The following SIGLEC1 variants were observed in gnomAD, a reference collection of about 807,000 sequenced individuals.
SIGLEC1 encodes the protein sialic acid binding Ig like lectin 1, also known as sialoadhesin.
In SIGLEC1, 132 loss-of-function variants were observed where a neutral mutation model predicts 148.0. The observed-to-expected ratio is 0.89, with a 90% CI of 0.77 to 1.03. The LOEUF (loss-of-function observed/expected upper bound fraction) is 1.03, where lower values mean the gene tolerates loss of function less well. Ranked by LOEUF, SIGLEC1 falls within the 50% of genes least tolerant of loss-of-function variation. SIGLEC1 has a pLI of 0.00. For missense variants in SIGLEC1, 2,253 were observed against 2,271.4 expected (o/e 0.99, Z 0.16); for synonymous variants, 945 against 969.0 (o/e 0.98, Z 0.46).
At chr20:3,706,314 C>T in intron 3 of SIGLEC1, 33 bp downstream of exon 3, 1 of 1,580,696 alleles carries the variant, frequency 6.3e-7, no homozygotes, top group Non-Finnish European at 8.6e-7. Context: ...GGGAATCCCT[C>T]CCGGGGGGCA....
At chr20:3,702,009 C>T (rs975830204) in intron 6 of SIGLEC1, among the ~76,000 whole-genome samples, 3 of 152,108 alleles carry the variant, frequency 2.0e-5, no homozygotes, top group Non-Finnish European at 4.4e-5. Context: ...GCAGCATGTC[C>T]GCGGCCTTCC....
intron 7 of SIGLEC1, 78 bp from the exon 8 acceptor site, chr20:3,699,537 G>T (rs1423436221): frequency 6.6e-7 from 1 of 1,526,406 alleles, no homozygotes. Flanking sequence ...GCCTTCCAGG[G>T]TTCTCCTTTC....
chr20:3,703,272 T>C lies in SIGLEC1; in HGVS notation c.1153A>G (p.Thr385Ala). 3 of 1,614,116 alleles carry C rather than the reference T, an allele frequency of 1.9e-6. No individual in the cohort carries two copies. The highest frequency in any genetic ancestry group is 1.1e-5 in the South Asian group (1 of 91,080). ...TGCACCTCACAGAAGTAGAAGCCAG[T>C]ATCAGCCCTAGTGGCCAAGTGCAGC... The part of the protein sequence containing the change: ...LRLHLATRAD[T>A]GFYFCEVQNV... The change falls in exon 6 of 22, where the codon ACT becomes GCT. Residue 385 changes from threonine to alanine, a missense_variant. Thr to Ala is a moderately conservative substitution (Grantham distance 58). Transcript: ENST00000344754.
rs753262314 is a variant in SIGLEC1, at chr20:3,697,935, C to G, written c.1985G>C (p.Arg662Pro). The G allele has an allele frequency of 6.2e-7, 1 of 1,612,928 alleles. No individual in the cohort carries two copies. The highest frequency in any genetic ancestry group is 8.5e-7 in the Non-Finnish European group (1 of 1,179,910). ...GCSTCGGCSP[R>P]MKVTKAPNLL... Reference sequence around the variant, plus strand: ...GTTGGGGGCTTTGGTGACCTTCATGCGTGGGGAACAGCCCCCACAGGTGCT... The same window carrying G: ...GTTGGGGGCTTTGGTGACCTTCATGGGTGGGGAACAGCCCCCACAGGTGCT... Residue 662 changes from arginine (R) to proline (P), a missense_variant, in exon 9 of 22, where the codon CGC (arginine) becomes CCC (proline). Arg to Pro is a moderately radical substitution (Grantham distance 103). Transcript: ENST00000344754.
Position 3,690,160 on chromosome 20 carries a change from G to C in SIGLEC1, c.4696C>G (p.Leu1566Val). ...VDSEPLASLT[L>V]HLGSRLVASS... Reference sequence around the variant, plus strand: ...GCCACCAGTCGACTGCCAAGGTGGAGAGTCAGGCTGGCGAGCGGCTCGCTG... The same window carrying C: ...GCCACCAGTCGACTGCCAAGGTGGACAGTCAGGCTGGCGAGCGGCTCGCTG... The change falls in exon 19 of 22, where the codon CTC becomes GTC. Residue 1566 changes from leucine (L) to valine (V), a missense_variant. Transcript: ENST00000344754. The C allele has an allele frequency of 6.3e-7, 1 of 1,596,038 alleles. No homozygotes were observed. The highest frequency in any genetic ancestry group is 8.5e-7 in the Non-Finnish European group (1 of 1,172,122).
intron 1 of SIGLEC1, among the ~76,000 whole-genome samples, chr20:3,708,229 G>C (rs1343828795): frequency 1.3e-5 from 2 of 152,162 alleles, no homozygotes; most frequent in Non-Finnish European, 2.9e-5. Flanking sequence ...CAATGTGTGC[G>C]GAGTGTACCA....
rs611847 is a variant in SIGLEC1 at position 3,703,375 on chromosome 20, A to G, written c.1050T>C (p.Asn350=). ...TGTAGCGGAGATCACTGGGTGCCTC[A>G]TTGGGTGTGTTGCAGACTAGTGTCA... is the stretch of plus-strand genomic sequence containing the variant. The part of the protein sequence containing the change: ...QTVTLVCNTP[N]EAPSDLRYSW... The change falls in exon 6 of 22, where the codon AAT becomes AAC. Residue 350 remains asparagine, a synonymous_variant. Transcript: ENST00000344754. 1,033,913 of 1,612,216 alleles carry G rather than the reference A, an allele frequency of 0.64. 332,927 individuals are homozygous for G. Among genetic ancestry groups the G allele is most frequent in the East Asian group, 0.68 (30,591 of 44,852 alleles).
At position 3,692,589 on chromosome 20, in the gene SIGLEC1, G is replaced by T; in HGVS notation, c.3962C>A (p.Ala1321Asp). Reference protein sequence around the residue: ...FLVATRAHAGAYSCQAQDAQG... With the variant: ...FLVATRAHAGDYSCQAQDAQG... ...GGCATCCTGGGCCTGGCAAGAGTAG[G>T]CGCCTGCATGAGCCCGCGTGGCCAC... Residue 1321 changes from alanine to aspartate, a missense_variant, in exon 16 of 22, where the codon GCC becomes GAC. By Grantham distance (126) the Ala-to-Asp change is moderately radical (BLOSUM62 -2). Coordinates refer to ENST00000344754, the MANE Select transcript of SIGLEC1 (RefSeq NM_023068.4). 1.2e-6 allele frequency: 2 copies of T among 1,612,038 alleles called. No homozygotes were observed. The highest frequency in any genetic ancestry group is 1.7e-6 in the Non-Finnish European group (2 of 1,179,950).
intron 7 of SIGLEC1, among the ~76,000 whole-genome samples, chr20:3,699,710 C>T (rs56945715): frequency 1.3e-5 from 2 of 152,296 alleles, no homozygotes; most frequent in East Asian, 3.9e-4. Context: ...GGCATGGTAG[C>T]TCATGCCTGT....
chr20:3,705,423 C>T (rs6084441), intron 4 of SIGLEC1, among the ~76,000 whole-genome samples: 44,230 of 152,212 alleles, frequency 0.29, 7,222 homozygotes, highest in South Asian at 0.42. Flanking sequence ...TCCTCCAGCA[C>T]GGGGTAAATC....
intron 19 of SIGLEC1, 41 bp downstream of exon 19, chr20:3,689,918 CTTT>C: frequency 6.5e-7 from 1 of 1,537,716 alleles, no homozygotes; most frequent in Non-Finnish European, 8.9e-7. Flanking sequence ...AAGAGCTGGG[CTTT>C]TGTGCAGAGT....
intron 5 of SIGLEC1, 109 bp from the exon 6 acceptor site, chr20:3,703,560 A>G (rs1364750276): frequency 5.9e-6 from 8 of 1,356,946 alleles, no homozygotes; most frequent in Non-Finnish European, 7.9e-6. Flanking sequence ...CACATCCTAC[A>G]CCACCCGCCT....
chr20:3,697,323 T>C lies in SIGLEC1; in HGVS notation c.2142A>G (p.Ala714=). 1 of 1,613,762 alleles carries C rather than the reference T, an allele frequency of 6.2e-7. No individual in the cohort carries two copies. Among genetic ancestry groups the C allele is most frequent in the East Asian group, 2.2e-5 (1 of 44,862 alleles). Residue 714 remains alanine, a synonymous_variant, in exon 10 of 22, where the codon GCA becomes GCG. Transcript: ENST00000344754. ...FNGQATVLAI[A]PSHTLQEGTE... ...TGCCCTCCTGAAGTGTGTGTGATGGTGCAATGGCCAGGACAGTGGCTGGAG... is the reference window on the plus strand; with the variant it reads ...TGCCCTCCTGAAGTGTGTGTGATGGCGCAATGGCCAGGACAGTGGCTGGAG...
rs1364671891 is a variant in SIGLEC1, at chr20:3,703,938, G to A, written c.860C>T (p.Thr287Ile). 6.2e-7 allele frequency: 1 copy of A among 1,613,840 alleles called. No homozygotes were observed. Among genetic ancestry groups the A allele is most frequent in the Admixed American group, 1.7e-5 (1 of 59,992 alleles). ...TGCCTGGGGCAGGTGCAGCACACCA[G>A]TCTTGGTTTGGAGGCGTACCCCATC... ...LKDGVRLQTK[T>I]GVLHLPQAAW... The change falls in exon 5 of 22, where the codon ACT (threonine) becomes ATT (isoleucine). Residue 287 changes from threonine to isoleucine, a missense_variant. Coordinates refer to ENST00000344754, the MANE Select transcript of SIGLEC1 (RefSeq NM_023068.4).
intron 1 of SIGLEC1, among the ~76,000 whole-genome samples, chr20:3,711,021 C>T (rs544239992): frequency 6.6e-6 from 1 of 152,306 alleles, no homozygotes; most frequent in African/African-American, 2.4e-5. Context: ...CCCCGCCCCC[C>T]GCCCCCCGCA....
rs757626338 is a variant in SIGLEC1, at chr20:3,693,616, G to A, written c.3339C>T (p.His1113=). The change falls in exon 14 of 22, where the codon CAC becomes CAT. Residue 1113 remains histidine (H), a synonymous_variant. Coordinates refer to ENST00000344754, the MANE Select transcript of SIGLEC1 (RefSeq NM_023068.4). ...VNLTCLVWTT[H]PAQLTYTWYQ... ...ACCATGTGTAGGTGAGCTGGGCCGG[G>A]TGAGTGGTCCACACAAGGCAGGTCA... is the stretch of plus-strand genomic sequence containing the variant. 3 of 1,612,306 alleles carry A rather than the reference G, an allele frequency of 1.9e-6. No individual in the cohort carries two copies. In the East Asian group the frequency reaches 6.7e-5, roughly 36 times the overall value.
chr20:3,707,185 G>A lies in SIGLEC1; in HGVS notation c.-57C>T. On this transcript the variant is annotated 5_prime_UTR_variant, in exon 2 of 22. Coordinates refer to ENST00000344754, the MANE Select transcript of SIGLEC1 (RefSeq NM_023068.4). ...GAGGGTGGTGCGCACTGCGCTGGCT[G>A]GGCTCACAGGGGCCTCCAGGGACAC... 6.6e-7 allele frequency: 1 copy of A among 1,517,528 alleles called. No homozygotes were observed. Among genetic ancestry groups the A allele is most frequent in the East Asian group, 2.3e-5 (1 of 44,006 alleles). 94.0% of individuals were successfully genotyped at this position (1,517,528 alleles called of 1,614,324 possible). A position where few individuals can be genotyped will look rare whatever the true frequency, so the allele number is the denominator to read the frequency against.
chr20:3,698,733 A>G (rs898368883), intron 8 of SIGLEC1, among the ~76,000 whole-genome samples: 1 of 152,178 alleles, frequency 6.6e-6, no homozygotes, highest in African/African-American at 2.4e-5. Flanking sequence ...TGGCTCCGGC[A>G]CACATGTGTC....
At chr20:3,688,798 G>A (rs1372351110) in intron 21 of SIGLEC1, 179 bp from the exon 22 acceptor site, 6 of 607,202 alleles carry the variant, frequency 9.9e-6, no homozygotes, top group Middle Eastern at 4.4e-4. Context: ...CACAGGGGAG[G>A]AGAAACTGAC....
Sources: gnomAD v4.1 joint callset for allele counts (sites outside exome capture counted in the v4.1 genomes callset) on GRCh38, gnomAD v4.1.1 for gene constraint, MANE v1.5 for transcripts, NCBI Gene and HGNC (gene_info 2026-07-23, HGNC 2026-07-21) for gene names.